Variants in CMBL observed in about 807,000 individuals in gnomAD.
CMBL encodes carboxymethylenebutenolidase homolog (Pseudomonas).
Under a neutral mutation model 28.7 loss-of-function variants are expected in CMBL, and 17 were observed. That is an observed-to-expected ratio of 0.59 (90% confidence interval 0.41 to 0.89). CMBL has a LOEUF of 0.89. Ranked by LOEUF, CMBL falls within the 40% of genes least tolerant of loss-of-function variation. CMBL has a pLI of 0.00. For synonymous variants in CMBL, 106 were observed against 101.6 expected (o/e 1.04, Z -0.26); for missense variants, 310 against 298.5 (o/e 1.04, Z -0.28).
At chr5:10,287,547 C>T (rs568335689) in intron 3 of CMBL, among the ~76,000 whole-genome samples, 1 of 152,120 alleles carries the variant, frequency 6.6e-6, no homozygotes, top group Non-Finnish European at 1.5e-5. Context: ...CTGTACACTA[C>T]TCGGTGACAG....
intron 3 of CMBL, among the ~76,000 whole-genome samples, chr5:10,287,718 C>T (rs182314678): frequency 0.022 from 3,192 of 148,148 alleles, 111 homozygotes; most frequent in African/African-American, 0.073. Flanking sequence ...TAATTAATTT[C>T]TTTTTTTTTT....
chr5:10,291,527 G>A (rs1364682392), intron 1 of CMBL, among the ~76,000 whole-genome samples: 1 of 151,972 alleles, frequency 6.6e-6, no homozygotes, highest in East Asian at 1.9e-4. Flanking sequence ...CGGGCGTGGT[G>A]GTGGGCGCCT....
At position 10,280,638 on chromosome 5, in the gene CMBL, G is replaced by A. The variant is rs977087806; in HGVS notation, c.559-6C>T. On this transcript the variant is annotated splice_polypyrimidine_tract_variant and splice_region_variant and intron_variant, in intron 5 of 5. Coordinates refer to ENST00000296658, the MANE Select transcript of CMBL (RefSeq NM_138809.4). ...TTCTGAGTCAGCAAAGATACCTGGT[G>A]TGCAAAAGATTTCATGATTTTAACC... is the stretch of plus-strand genomic sequence containing the variant. The A allele has an allele frequency of 1.9e-6, 3 of 1,591,568 alleles. No individual in the cohort carries two copies. Among genetic ancestry groups the A allele is most frequent in the African/African-American group, 1.3e-5 (1 of 74,732 alleles).
At chr5:10,286,902 GTCTCCTC>G in intron 3 of CMBL, among the ~76,000 whole-genome samples, 1 of 152,274 alleles carries the variant, frequency 6.6e-6, no homozygotes, top group Middle Eastern at 3.4e-3. Context: ...CAGGAGAAGA[GTCTCCTC>G]TCTCCTCTCT....
At chr5:10,298,770 G>C (rs1746848023) in intron 1 of CMBL, among the ~76,000 whole-genome samples, 1 of 152,212 alleles carries the variant, frequency 6.6e-6, no homozygotes, top group Non-Finnish European at 1.5e-5. Context: ...GTGAGCGCCT[G>C]TAATCCCAGC....
chr5:10,285,322 C>T (rs1410368742), intron 4 of CMBL, among the ~76,000 whole-genome samples: 1 of 152,238 alleles, frequency 6.6e-6, no homozygotes, highest in Admixed American at 6.5e-5. Context: ...GCGCCCACCA[C>T]CACGCCCAGC....
chr5:10,286,651 C>A (rs1197192814), intron 3 of CMBL, among the ~76,000 whole-genome samples, 155 bp from the exon 4 acceptor site: 5 of 152,202 alleles, frequency 3.3e-5, no homozygotes, highest in African/African-American at 1.2e-4. Flanking sequence ...TCTGGCCCAA[C>A]TGATGCATCA....
intron 1 of CMBL, among the ~76,000 whole-genome samples, chr5:10,304,610 A>G (rs1231146834): frequency 6.6e-6 from 1 of 152,218 alleles, no homozygotes; most frequent in Non-Finnish European, 1.5e-5. Context: ...GAAACTCATC[A>G]TTCTTTAGTT....
In CMBL at chr5:10,289,039, G is replaced by A. The variant is rs376181494; in HGVS notation, c.216-510C>T. On this transcript the variant is annotated intron_variant, in intron 2 of 5. Coordinates refer to ENST00000296658, the MANE Select transcript of CMBL (RefSeq NM_138809.4). The surrounding 1 kb of genome is among the most constrained non-coding windows in gnomAD (Gnocchi z 4.3). ...CTATCCAGAGGGTATGTTCTAAGAC[G>A]GGCAGCAGAGCACAAACAAGCCTGG... is the stretch of plus-strand genomic sequence containing the variant. Among the ~76,000 whole-genome samples the A allele has an allele frequency of 2.0e-4, 31 of 152,230 alleles. No individual in the cohort carries two copies. Among genetic ancestry groups the A allele is most frequent in the African/African-American group, 6.3e-4 (26 of 41,532 alleles).
rs548272837 is a variant in CMBL at position 10,296,911 on chromosome 5, G to A, written c.-19-6130C>T. Among the ~76,000 whole-genome samples, 266 of 152,332 alleles carry A rather than the reference G, an allele frequency of 1.7e-3. 1 individual carries two copies. Among genetic ancestry groups the A allele is most frequent in the Admixed American group, 3.1e-3 (47 of 15,296 alleles). On this transcript the variant is annotated intron_variant, in intron 1 of 5. Coordinates refer to ENST00000296658, the MANE Select transcript of CMBL (RefSeq NM_138809.4). ...AAAAGAAACTGAGAGGAGACTGGGC[G>A]CGGTGGCTCACGCCTGTAATCCCAG...
chr5:10,287,804 A>G (rs906397824), intron 3 of CMBL, among the ~76,000 whole-genome samples: 1 of 151,660 alleles, frequency 6.6e-6, no homozygotes, highest in African/African-American at 2.4e-5. Flanking sequence ...TCCGTCTCCC[A>G]GGTTCAAGCA....
intron 4 of CMBL, 45 bp from the exon 5 acceptor site, chr5:10,282,333 T>C (rs770639148): frequency 8.2e-6 from 9 of 1,100,902 alleles, no homozygotes; most frequent in Middle Eastern, 2.1e-4. Flanking sequence ...CCCACACTCA[T>C]GCCACATGAT....
intron 1 of CMBL, among the ~76,000 whole-genome samples, chr5:10,297,531 T>G (rs1239880442): frequency 6.7e-6 from 1 of 149,544 alleles, no homozygotes; most frequent in African/African-American, 2.5e-5. Context: ...ATCGCACCAT[T>G]TCACTCCAGC....
intron 1 of CMBL, among the ~76,000 whole-genome samples, chr5:10,305,110 G>T (rs1207472109): frequency 6.6e-6 from 1 of 152,120 alleles, no homozygotes; most frequent in South Asian, 2.1e-4. Flanking sequence ...AGATGTGTTT[G>T]GGGCCACCTT....
At chr5:10,296,078 A>G (rs1746803728) in intron 1 of CMBL, among the ~76,000 whole-genome samples, 1 of 152,162 alleles carries the variant, frequency 6.6e-6, no homozygotes, top group South Asian at 2.1e-4. Flanking sequence ...ATGAGTCAAC[A>G]ATATATATTA....
At chr5:10,293,947 G>T (rs868092293) in intron 1 of CMBL, among the ~76,000 whole-genome samples, 13 of 152,254 alleles carry the variant, frequency 8.5e-5, no homozygotes, top group Non-Finnish European at 1.6e-4. Flanking sequence ...TTGAGGGTGT[G>T]AGTTGCAATT....
chr5:10,290,568 C>G lies in CMBL; in HGVS notation c.195G>C (p.Met65Ile), dbSNP rs752322916. The change falls in exon 2 of 6, where the codon ATG becomes ATC. Residue 65 changes from methionine to isoleucine, a missense_variant. By Grantham distance (10) the Met-to-Ile change is conservative. Coordinates refer to ENST00000296658, the MANE Select transcript of CMBL (RefSeq NM_138809.4). ...QLPNTRYIAD[M>I]ISGNGYTTIV... ...CATACGTGTATCCATTTCCTGAGAT[C>G]ATGTCAGCTATATATCTGGTATTGG... The G allele has an allele frequency of 3.8e-5, 62 of 1,613,690 alleles. No homozygotes were observed. In the Middle Eastern group the frequency reaches 6.6e-4, roughly 17 times the overall value.
rs374486111 is a variant in CMBL, at chr5:10,290,675, T to A, written c.88A>T (p.Ile30Phe). The change falls in exon 2 of 6, where the codon ATC (isoleucine) becomes TTC (phenylalanine). Residue 30 changes from isoleucine to phenylalanine, a missense_variant. By Grantham distance (21) the Ile-to-Phe change is conservative (BLOSUM62 0). Coordinates refer to ENST00000296658, the MANE Select transcript of CMBL (RefSeq NM_138809.4). Reference sequence around the variant, plus strand: ...GGGGATTTGGTGACATAAGCCTTGATGTGCTCGACTTGAACTTCACGGCCT... The same window carrying A: ...GGGGATTTGGTGACATAAGCCTTGAAGTGCTCGACTTGAACTTCACGGCCT... ...GLGREVQVEHIKAYVTKSPVD... is the reference protein window; with the variant it reads ...GLGREVQVEHFKAYVTKSPVD... The A allele has an allele frequency of 6.2e-6, 10 of 1,614,126 alleles. No individual in the cohort carries two copies. The East Asian group carries it at 6.7e-5, about 11-fold the overall frequency.
rs75030583 is a variant in CMBL, at chr5:10,278,535, C to T, written c.*1918G>A. Among the ~76,000 whole-genome samples, 8,676 of 152,204 alleles carry T rather than the reference C, an allele frequency of 0.057. 342 individuals are homozygous for T. Among genetic ancestry groups the T allele is most frequent in the South Asian group, 0.12 (576 of 4,814 alleles). ...AGGGGAAACCTGCATAGATGACACC[C>T]TGGGCCCCAGTGAAGGCTTTGGCTC... On this transcript the variant is annotated 3_prime_UTR_variant, in exon 6 of 6. Transcript: ENST00000296658.
Sources: gnomAD v4.1 joint callset for allele counts (sites outside exome capture counted in the v4.1 genomes callset) on GRCh38, gnomAD v4.1.1 for gene constraint, Gnocchi (gnomAD v3.1) non-coding constraint, MANE v1.5 for transcripts, NCBI Gene and HGNC (gene_info 2026-07-23, HGNC 2026-07-21) for gene names.